The following LRMDA variants were observed in gnomAD, a reference collection of about 807,000 sequenced individuals.
The protein encoded by LRMDA is leucine rich melanocyte differentiation associated, also known as leucine-rich melanocyte differentiation-associated protein.
In LRMDA, 18 loss-of-function variants were observed where a neutral mutation model predicts 29.8. The observed-to-expected ratio is 0.60, with a 90% CI of 0.42 to 0.90. The LOEUF (loss-of-function observed/expected upper bound fraction) is 0.90. LRMDA is among the 40% of genes least tolerant of loss of function. The pLI, the probability that LRMDA is intolerant of heterozygous loss-of-function variation, is 0.00. For missense variants in LRMDA, 273 were observed against 273.9 expected, an observed-to-expected ratio of 1.00 and a Z score of 0.02; for synonymous variants, 125 against 109.4, an observed-to-expected ratio of 1.14 and a Z score of -0.89.
chr10:75,636,066 C>T (rs893217858), intron 2 of LRMDA, among the ~76,000 whole-genome samples: 1 of 152,200 alleles, frequency 6.6e-6, no homozygotes, highest in Admixed American at 6.5e-5. Context: ...TTGATTAATC[C>T]TATGCAAATG....
intron 2 of LRMDA, among the ~76,000 whole-genome samples, chr10:75,821,865 A>G (rs752946999): frequency 3.3e-5 from 5 of 152,200 alleles, no homozygotes; most frequent in Non-Finnish European, 5.9e-5. Flanking sequence ...TGTATGACAA[A>G]CCCAGAGCCA....
intron 5 of LRMDA, among the ~76,000 whole-genome samples, chr10:76,299,394 C>T (rs374238077): frequency 3.3e-5 from 5 of 152,228 alleles, no homozygotes; most frequent in Non-Finnish European, 2.9e-5. Flanking sequence ...TATCTAGATA[C>T]ACCACTGTCT....
rs377740002 is a variant in LRMDA, at chr10:75,456,048, G to A, written c.131+17554G>A. ...CTGTGTAGCGTAGTGGTGATTCTGG[G>A]ACATAGAAGCTGGCCATGCCAGAGT... is the stretch of plus-strand genomic sequence containing the variant. On this transcript the variant is annotated intron_variant, in intron 2 of 6. Transcript: ENST00000611255. Among the ~76,000 whole-genome samples the A allele has an allele frequency of 9.8e-4, 149 of 152,298 alleles. 1 individual carries two copies. The highest frequency in any genetic ancestry group is 3.4e-3 in the African/African-American group (141 of 41,552).
chr10:76,280,325 A>G (rs537568564), intron 5 of LRMDA, among the ~76,000 whole-genome samples: 13 of 152,246 alleles, frequency 8.5e-5, no homozygotes, highest in African/African-American at 3.1e-4. Flanking sequence ...GCCATCTTCC[A>G]TTTTAGTGAC....
chr10:76,355,831 G>T (rs1481204495), intron 6 of LRMDA, among the ~76,000 whole-genome samples: 1 of 152,160 alleles, frequency 6.6e-6, no homozygotes, highest in Non-Finnish European at 1.5e-5. Flanking sequence ...GGGAGTATTT[G>T]GAGTAGCATT....
At chr10:75,804,379 G>A (rs1259076401) in intron 2 of LRMDA, among the ~76,000 whole-genome samples, 1 of 152,146 alleles carries the variant, frequency 6.6e-6, no homozygotes, top group African/African-American at 2.4e-5. Flanking sequence ...GTGTCACGGC[G>A]ATGTGATTTA....
At chr10:75,518,511 A>G (rs1184775632) in intron 2 of LRMDA, among the ~76,000 whole-genome samples, 1 of 152,148 alleles carries the variant, frequency 6.6e-6, no homozygotes, top group Non-Finnish European at 1.5e-5. Context: ...GTATTCTCTG[A>G]TGGTAGTTTG....
chr10:76,028,743 T>C (rs1206036244), intron 2 of LRMDA, among the ~76,000 whole-genome samples: 1 of 152,088 alleles, frequency 6.6e-6, no homozygotes, highest in Admixed American at 6.6e-5. Context: ...ACTCTACTTC[T>C]ACCTAAGATT....
At chr10:75,860,325 T>G (rs1476525669) in intron 2 of LRMDA, among the ~76,000 whole-genome samples, 1 of 145,510 alleles carries the variant, frequency 6.9e-6, no homozygotes, top group Non-Finnish European at 1.5e-5. Context: ...TTTTTTTTTT[T>G]TTTTTTTTTT....
At chr10:75,536,748 G>T (rs1839955313) in intron 2 of LRMDA, among the ~76,000 whole-genome samples, 1 of 152,034 alleles carries the variant, frequency 6.6e-6, no homozygotes, top group East Asian at 1.9e-4. Flanking sequence ...TTGTAGAGAT[G>T]GGGGTCTTGC....
chr10:75,804,138 C>G (rs1265288810), intron 2 of LRMDA, among the ~76,000 whole-genome samples: 1 of 152,190 alleles, frequency 6.6e-6, no homozygotes, highest in Non-Finnish European at 1.5e-5. Context: ...GCTCCTGTTT[C>G]CTTTCCACCA....
chr10:76,277,927 C>T (rs1404799389), intron 5 of LRMDA, among the ~76,000 whole-genome samples: 4 of 152,156 alleles, frequency 2.6e-5, no homozygotes, highest in Admixed American at 6.5e-5. Flanking sequence ...GATGATTTCT[C>T]TAATTCACTG....
At chr10:76,008,787 G>A (rs1041586578) in intron 2 of LRMDA, among the ~76,000 whole-genome samples, 11 of 152,266 alleles carry the variant, frequency 7.2e-5, no homozygotes, top group Non-Finnish European at 1.5e-5. Flanking sequence ...CTGCCCATGT[G>A]AGCCTGTGTT....
intron 2 of LRMDA, among the ~76,000 whole-genome samples, chr10:75,976,661 C>G (rs978259817): frequency 6.6e-6 from 1 of 152,188 alleles, no homozygotes; most frequent in African/African-American, 2.4e-5. Flanking sequence ...GTCCCAAGCC[C>G]TTCACATATA....
Position 75,659,164 on chromosome 10 carries a change from T to G in LRMDA, c.131+220670T>G, listed in dbSNP as rs372018699. Among the ~76,000 whole-genome samples, 6 of 151,948 alleles carry G rather than the reference T, an allele frequency of 3.9e-5. No individual in the cohort carries two copies. The East Asian group carries it at 9.7e-4, about 25-fold the overall frequency. The stretch of plus-strand genomic sequence containing the variant: ...GTCTGCCCCTGCTCAAGGGCAAGAG[T>G]CATCCAGGTGTGTCAACTCATGGTG... On this transcript the variant is annotated intron_variant, in intron 2 of 6. Coordinates refer to ENST00000611255, the MANE Select transcript of LRMDA (RefSeq NM_001305581.2).
chr10:76,390,377 A>T (rs1841708330), intron 6 of LRMDA, among the ~76,000 whole-genome samples: 1 of 152,096 alleles, frequency 6.6e-6, no homozygotes, highest in Non-Finnish European at 1.5e-5. Context: ...AGGCAGGGAG[A>T]TCAGGTAGGA....
chr10:76,029,555 G>T (rs539358328), intron 2 of LRMDA, among the ~76,000 whole-genome samples: 1 of 152,242 alleles, frequency 6.6e-6, no homozygotes, highest in Admixed American at 6.5e-5. Flanking sequence ...AATTTCATAT[G>T]GGTAATTATA....
chr10:75,901,309 C>CTTT (rs58604668), intron 2 of LRMDA, among the ~76,000 whole-genome samples: 7 of 144,960 alleles, frequency 4.8e-5, no homozygotes, highest in African/African-American at 1.3e-4. Flanking sequence ...TTAATGACAC[C>CTTT]TTTTTTTTTT....
rs79223915 is a variant in LRMDA at position 75,446,449 on chromosome 10, A to G, written c.131+7955A>G. The stretch of plus-strand genomic sequence containing the variant: ...GTTGTCATTGGGGCTCCTCACAGAT[A>G]GTCAGGATTTCATCTCCTTCCACAC... On this transcript the variant is annotated intron_variant, in intron 2 of 6. Transcript: ENST00000611255. Among the ~76,000 whole-genome samples the G allele has an allele frequency of 9.8e-3, 1,491 of 152,354 alleles. 38 individuals carry two copies. Among genetic ancestry groups the G allele is most frequent in the Admixed American group, 0.056 (852 of 15,306 alleles).
Sources: allele counts gnomAD v4.1 joint callset (sites outside exome capture counted in the v4.1 genomes callset), GRCh38; gene constraint gnomAD v4.1.1; transcripts MANE v1.5; gene names NCBI Gene and HGNC (gene_info 2026-07-23, HGNC 2026-07-21).